The following COL23A1 variants were observed in gnomAD, a reference collection of about 807,000 sequenced individuals.
COL23A1 encodes the protein collagen alpha-1(XXIII) chain.
Under a neutral mutation model 99.3 loss-of-function variants are expected in COL23A1, and 97 were observed. That is an observed-to-expected ratio of 0.98 (90% confidence interval 0.83 to 1.16). The LOEUF is 1.16. Ranked by LOEUF, COL23A1 falls within the 50% of genes most tolerant of loss-of-function variation. The pLI, the probability that COL23A1 is intolerant of heterozygous loss-of-function variation, is 0.00. For synonymous variants in COL23A1, 320 were observed against 308.2 expected, an observed-to-expected ratio of 1.04 and a Z score of -0.40; for missense variants, 762 against 757.4, an observed-to-expected ratio of 1.01 and a Z score of -0.07.
At chr5:178,460,523 G>A (rs1756061629) in intron 2 of COL23A1, among the ~76,000 whole-genome samples, 1 of 152,170 alleles carries the variant, frequency 6.6e-6, no homozygotes, top group African/African-American at 2.4e-5. Flanking sequence ...TTCTGTGAGA[G>A]GGCGAAATAG....
Position 178,256,917 on chromosome 5 carries a change from C to T in COL23A1, c.786G>A (p.Gly262=), listed in dbSNP as rs1401587115. 6.2e-7 allele frequency: 1 copy of T among 1,613,492 alleles called. No individual in the cohort carries two copies. Among genetic ancestry groups the T allele is most frequent in the South Asian group, 1.1e-5 (1 of 90,962 alleles). Residue 262 remains glycine (G), a synonymous_variant, in exon 14 of 29, where the codon GGG becomes GGA. Transcript: ENST00000390654. Reference sequence around the variant, plus strand: ...CGTTCTCTCCCCGAGGCCCCATGCTCCCTGGCTCGCCCTGAAACAGACACA... The same window carrying T: ...CGTTCTCTCCCCGAGGCCCCATGCTTCCTGGCTCGCCCTGAAACAGACACA... ...PGPPGPKGEP[G]SMGPRGENGV...
In COL23A1 at chr5:178,366,000, C is replaced by A. The variant is rs1158254116; in HGVS notation, c.362-59081G>T. Among the ~76,000 whole-genome samples, 3 of 152,166 alleles carry A rather than the reference C, an allele frequency of 2.0e-5. No individual in the cohort carries two copies. The highest frequency in any genetic ancestry group is 4.4e-5 in the Non-Finnish European group (3 of 68,020). Reference sequence around the variant, plus strand: ...CCAGCCCTCCTCAAGTGGGTCACTCCTCACGGCCTGTGAGTTCACCTCTTC... The same window carrying A: ...CCAGCCCTCCTCAAGTGGGTCACTCATCACGGCCTGTGAGTTCACCTCTTC... On this transcript the variant is annotated intron_variant, in intron 2 of 28. Coordinates refer to ENST00000390654, the MANE Select transcript of COL23A1 (RefSeq NM_173465.4). The surrounding 1 kb of genome is among the most constrained non-coding windows in gnomAD (Gnocchi z 5.2).
At chr5:178,320,708 C>T (rs1759248174) in intron 2 of COL23A1, among the ~76,000 whole-genome samples, 1 of 152,224 alleles carries the variant, frequency 6.6e-6, no homozygotes, top group African/African-American at 2.4e-5. Context: ...TTCTTTTTGA[C>T]CCCCAGGGCC....
chr5:178,399,718 A>G (rs1461370145), intron 2 of COL23A1, among the ~76,000 whole-genome samples: 1 of 152,252 alleles, frequency 6.6e-6, no homozygotes, highest in Admixed American at 6.5e-5. Context: ...CAGAGCATCA[A>G]AAGGAGGCTG....
intron 5 of COL23A1, among the ~76,000 whole-genome samples, chr5:178,271,655 A>T (rs1756292965): frequency 6.6e-6 from 1 of 152,236 alleles, no homozygotes; most frequent in Non-Finnish European, 1.5e-5. Flanking sequence ...CAAACCAAGG[A>T]AGTATGGCAA....
intron 2 of COL23A1, among the ~76,000 whole-genome samples, chr5:178,333,541 C>A (rs771781340): frequency 2.0e-5 from 3 of 152,278 alleles, no homozygotes; most frequent in South Asian, 4.1e-4. Context: ...CATGCCTGTG[C>A]GGCCTGGTCC....
At chr5:178,285,442 C>G (rs1757101936) in intron 5 of COL23A1, among the ~76,000 whole-genome samples, 1 of 152,212 alleles carries the variant, frequency 6.6e-6, no homozygotes. Context: ...TTTTCTAAAA[C>G]CGACCATTCT....
rs1345081260 is a variant in COL23A1 at position 178,255,078 on chromosome 5, A to G, written c.883-52T>C. 3 of 1,465,044 alleles carry G rather than the reference A, an allele frequency of 2.0e-6. No homozygotes were observed. In the African/African-American group the frequency reaches 4.2e-5, roughly 20 times the overall value. The allele number at this position is 1,465,044 out of a possible 1,614,324, so 90.8% of individuals were successfully genotyped here. A position where few individuals can be genotyped will look rare whatever the true frequency, so the allele number is the denominator to read the frequency against. ...TCAGGGAAGAGCTACACTGAGTTGGAGGTGAAGTGGCAGCTGTCCCTGCAT... is the reference window on the plus strand; with the variant it reads ...TCAGGGAAGAGCTACACTGAGTTGGGGGTGAAGTGGCAGCTGTCCCTGCAT... On this transcript the variant is annotated intron_variant, in intron 15 of 28. Transcript: ENST00000390654. This position sits in a 1 kb window ranked among gnomAD's most constrained non-coding sequence, Gnocchi z 4.2.
chr5:178,426,859 C>T (rs956000408), intron 2 of COL23A1, among the ~76,000 whole-genome samples: 9 of 152,168 alleles, frequency 5.9e-5, no homozygotes, highest in South Asian at 2.1e-4. Flanking sequence ...AATAAGCATA[C>T]GAGAGACGCT....
chr5:178,274,842 G>A (rs528185735), intron 5 of COL23A1, among the ~76,000 whole-genome samples: 4 of 152,276 alleles, frequency 2.6e-5, no homozygotes, highest in Admixed American at 1.3e-4. Context: ...TGTCCAGCTC[G>A]CTCCCCTGCC....
Position 178,306,781 on chromosome 5 carries a change from G to T in COL23A1, c.406+94C>A, listed in dbSNP as rs1758381381. On this transcript the variant is annotated intron_variant, in intron 3 of 28. Transcript: ENST00000390654. The surrounding 1 kb of genome is among the most constrained non-coding windows in gnomAD (Gnocchi z 4.1). Reference sequence around the variant, plus strand: ...TGCCCAGGACCAAGGCATGACTCAGGGTGGGCAGCAGGTGGCCAGGCCCTG... The same window carrying T: ...TGCCCAGGACCAAGGCATGACTCAGTGTGGGCAGCAGGTGGCCAGGCCCTG... 1 of 924,010 alleles carries T rather than the reference G, an allele frequency of 1.1e-6. No individual in the cohort carries two copies. Among genetic ancestry groups the T allele is most frequent in the Non-Finnish European group, 1.5e-6 (1 of 648,342 alleles). 57.2% of individuals were successfully genotyped at this position (924,010 alleles called of 1,614,324 possible). A position where few individuals can be genotyped will look rare whatever the true frequency, so the allele number is the denominator to read the frequency against.
At chr5:178,332,014 G>C (rs1760055530) in intron 2 of COL23A1, among the ~76,000 whole-genome samples, 1 of 152,176 alleles carries the variant, frequency 6.6e-6, no homozygotes, top group Non-Finnish European at 1.5e-5. Context: ...TGGGAGACTG[G>C]GGGTGACCTT....
At chr5:178,526,957 T>A (rs993156612) in intron 2 of COL23A1, among the ~76,000 whole-genome samples, 4 of 152,258 alleles carry the variant, frequency 2.6e-5, no homozygotes, top group African/African-American at 9.6e-5. Flanking sequence ...CGGCCTCCTT[T>A]GTCCTAGCAC....
chr5:178,513,988 C>T (rs1759364262), intron 2 of COL23A1, among the ~76,000 whole-genome samples: 1 of 152,154 alleles, frequency 6.6e-6, no homozygotes, highest in Non-Finnish European at 1.5e-5. Context: ...ACCATCACCA[C>T]CATCCATCCA....
At chr5:178,584,194 G>A (rs1763801859) in intron 1 of COL23A1, among the ~76,000 whole-genome samples, 1 of 151,950 alleles carries the variant, frequency 6.6e-6, no homozygotes, top group Non-Finnish European at 1.5e-5. Context: ...GTTTTTAGTA[G>A]AGACAGGGTT....
chr5:178,435,448 T>G lies in COL23A1; in HGVS notation c.361+125234A>C, dbSNP rs2127826900. Among the ~76,000 whole-genome samples the G allele has an allele frequency of 1.3e-5, 2 of 152,094 alleles. 1 individual carries two copies. The highest frequency in any genetic ancestry group is 4.8e-5 in the African/African-American group (2 of 41,482). ...CTTGGCAAACCTGGGTGCGGAGCCC[T>G]GAGCTGGGCACAGAAAGGCAGCCCA... On this transcript the variant is annotated intron_variant, in intron 2 of 28. Transcript: ENST00000390654.
chr5:178,564,182 T>A lies in COL23A1; in HGVS notation c.295-3434A>T, dbSNP rs367864445. 1.1e-4 allele frequency among the ~76,000 whole-genome samples: 16 copies of A among 152,330 alleles called. No individual in the cohort carries two copies. The South Asian group carries it at 3.3e-3, about 32-fold the overall frequency. Reference sequence around the variant, plus strand: ...CTTAATATAAAAAGCTAGGTACTGTTAATGCTAGCGGCGGGATCACAGGTT... The same window carrying A: ...CTTAATATAAAAAGCTAGGTACTGTAAATGCTAGCGGCGGGATCACAGGTT... On this transcript the variant is annotated intron_variant, in intron 1 of 28. Coordinates refer to ENST00000390654, the MANE Select transcript of COL23A1 (RefSeq NM_173465.4).
chr5:178,578,745 G>T (rs1488467954), intron 1 of COL23A1, among the ~76,000 whole-genome samples: 1 of 144,572 alleles, frequency 6.9e-6, no homozygotes, highest in Non-Finnish European at 1.5e-5. Context: ...AAGCAGATGT[G>T]TGTGAAGCCT....
rs1761469238 is a variant in COL23A1 at position 178,544,431 on chromosome 5, C to G, written c.361+16251G>C. On this transcript the variant is annotated intron_variant, in intron 2 of 28. Coordinates refer to ENST00000390654, the MANE Select transcript of COL23A1 (RefSeq NM_173465.4). The surrounding 1 kb of genome is among the most constrained non-coding windows in gnomAD (Gnocchi z 4.4). Reference sequence around the variant, plus strand: ...ACTTTGCCCTCCTGAAAATTAAGCCCAAGACCTGCCATGGCGGTGGGGAGC... The same window carrying G: ...ACTTTGCCCTCCTGAAAATTAAGCCGAAGACCTGCCATGGCGGTGGGGAGC... 6.6e-6 allele frequency among the ~76,000 whole-genome samples: 1 copy of G among 152,146 alleles called. No individual in the cohort carries two copies. Among genetic ancestry groups the G allele is most frequent in the Admixed American group, 6.5e-5 (1 of 15,280 alleles).
Sources: gnomAD v4.1 joint callset for allele counts (sites outside exome capture counted in the v4.1 genomes callset) on GRCh38, gnomAD v4.1.1 for gene constraint, Gnocchi (gnomAD v3.1) non-coding constraint, MANE v1.5 for transcripts, NCBI Gene and HGNC (gene_info 2026-07-23, HGNC 2026-07-21) for gene names.